The following STRA8 variants were observed in gnomAD, a reference collection of about 807,000 sequenced individuals.
The protein encoded by STRA8 is stimulated by retinoic acid gene 8 protein homolog.
A neutral mutation model predicts 37.1 loss-of-function variants in STRA8; 18 were observed. That is an observed-to-expected ratio of 0.48 (90% CI 0.34 to 0.72). The LOEUF (loss-of-function observed/expected upper bound fraction) is 0.72, where lower values mean the gene tolerates loss of function less well. STRA8 is among the 30% of genes least tolerant of loss of function. The pLI, the probability that STRA8 is intolerant of heterozygous loss-of-function variation, is 0.01. For synonymous variants in STRA8, 168 were observed against 162.9 expected (o/e 1.03, Z -0.24); for missense variants, 357 against 410.4 (o/e 0.87, Z 1.13).
At position 135,233,897 on chromosome 7, in the gene STRA8, T is replaced by C. The variant is rs1450117664; in HGVS notation, c.-13T>C. On this transcript the variant is annotated 5_prime_UTR_variant, in exon 1 of 9. Transcript: ENST00000662584. ...GGGAGTGGGGACGTCGCGTGCACCG[T>C]TGGCGAGTAAGTATCCTTTGAACGC... Among the ~76,000 whole-genome samples, 1 of 152,156 alleles carries C rather than the reference T, an allele frequency of 6.6e-6. No homozygotes were observed. The highest frequency in any genetic ancestry group is 1.5e-5 in the Non-Finnish European group (1 of 68,040).
chr7:135,258,333 A>G (rs1585484077), intron 8 of STRA8, 85 bp from the exon 9 acceptor site: 2 of 1,125,900 alleles, frequency 1.8e-6, no homozygotes, highest in Admixed American at 4.2e-5. Flanking sequence ...GGCTGGGCAC[A>G]CCGGAGATGC....
chr7:135,235,982 G>A (rs1051234122), intron 1 of STRA8, among the ~76,000 whole-genome samples: 2 of 152,074 alleles, frequency 1.3e-5, no homozygotes, highest in African/African-American at 4.8e-5. Flanking sequence ...CACGTCTGTA[G>A]TCCTAGCTAC....
At position 135,238,487 on chromosome 7, in the gene STRA8, T is replaced by C. The variant is rs17168324; in HGVS notation, c.-6-2032T>C. On this transcript the variant is annotated intron_variant, in intron 1 of 8. Transcript: ENST00000662584. ...GAAGGGAGGACACCCAGCACTGGCA[T>C]TGGGAGAACTCCAGATTCCCTACAA... Among the ~76,000 whole-genome samples, 2,000 of 152,302 alleles carry C rather than the reference T, an allele frequency of 0.013. 137 individuals are homozygous for C. In the East Asian group the frequency reaches 0.21, roughly 16 times the overall value.
At chr7:135,242,323 T>C (rs1333157129) in intron 2 of STRA8, among the ~76,000 whole-genome samples, 1 of 152,212 alleles carries the variant, frequency 6.6e-6, no homozygotes, top group Non-Finnish European at 1.5e-5. Flanking sequence ...ATCTGGAGCG[T>C]ATGCAGTTAG....
chr7:135,236,405 C>A (rs893947026), intron 1 of STRA8, among the ~76,000 whole-genome samples: 2 of 152,146 alleles, frequency 1.3e-5, no homozygotes, highest in Admixed American at 1.3e-4. Context: ...CATAACCCAA[C>A]TTGCCTTTCC....
intron 6 of STRA8, among the ~76,000 whole-genome samples, chr7:135,250,204 A>G (rs562289345): frequency 1.3e-5 from 2 of 151,990 alleles, no homozygotes; most frequent in East Asian, 3.9e-4. Flanking sequence ...GTGTGGTGGC[A>G]CTCTGGAAAG....
rs1163355249 is a variant in STRA8 at position 135,246,770 on chromosome 7, C to T, written c.879+68C>T. 2.8e-6 allele frequency: 4 copies of T among 1,433,538 alleles called. No homozygotes were observed. In the South Asian group the frequency reaches 4.2e-5, roughly 15 times the overall value. The allele number at this position is 1,433,538 out of a possible 1,614,324, so 88.8% of individuals were successfully genotyped here. A position where few individuals can be genotyped will look rare whatever the true frequency, so the allele number is the denominator to read the frequency against. ...CACCCTCGCCCTCGCCTGGGGACAC[C>T]AGGGCTTTGCATTTAGCAGGTTGGA... On this transcript the variant is annotated intron_variant, in intron 6 of 8. Transcript: ENST00000662584. The surrounding 1 kb of genome is among the most constrained non-coding windows in gnomAD (Gnocchi z 5.4).
At chr7:135,242,889 C>T (rs1832489132) in intron 3 of STRA8, 33 bp downstream of exon 3, 3 of 1,600,412 alleles carry the variant, frequency 1.9e-6, no homozygotes, top group Non-Finnish European at 2.6e-6. Context: ...CCCCATCTCC[C>T]TCCCTGGAGA....
chr7:135,232,137 G>T, upstream of STRA8: 3 of 1,119,408 alleles, frequency 2.7e-6, no homozygotes, highest in South Asian at 3.7e-5. Flanking sequence ...GAGGTGGGGT[G>T]ACTACATGAA....
At chr7:135,247,648 G>A (rs1343744736) in intron 6 of STRA8, among the ~76,000 whole-genome samples, 1 of 152,212 alleles carries the variant, frequency 6.6e-6, no homozygotes, top group Non-Finnish European at 1.5e-5. Context: ...GACCAATCAG[G>A]TCCAGCCCTT....
intron 1 of STRA8, among the ~76,000 whole-genome samples, chr7:135,237,500 T>C (rs988881083): frequency 3.3e-5 from 5 of 152,152 alleles, no homozygotes; most frequent in African/African-American, 1.2e-4. Flanking sequence ...CCTCTCCCCA[T>C]CCTAGACAGT....
chr7:135,239,324 C>T (rs909555978), intron 1 of STRA8, among the ~76,000 whole-genome samples: 10 of 152,132 alleles, frequency 6.6e-5, no homozygotes, highest in African/African-American at 2.2e-4. Context: ...GGTTCAGATC[C>T]GATGTTTTCA....
chr7:135,250,685 G>A (rs150822287), intron 6 of STRA8, among the ~76,000 whole-genome samples: 2 of 152,338 alleles, frequency 1.3e-5, no homozygotes, highest in African/African-American at 4.8e-5. Flanking sequence ...TCCTCTCCTA[G>A]GCGTGATTGC....
intron 7 of STRA8, among the ~76,000 whole-genome samples, chr7:135,253,184 C>G (rs1482368644): frequency 1.3e-5 from 2 of 152,228 alleles, no homozygotes; most frequent in African/African-American, 4.8e-5. Context: ...ATCCACCCAC[C>G]TCGGCTCCCA....
At chr7:135,244,916 T>A (rs768757777) in intron 4 of STRA8, among the ~76,000 whole-genome samples, 16 of 152,224 alleles carry the variant, frequency 1.1e-4, no homozygotes, top group Non-Finnish European at 2.1e-4. Context: ...AACTGTCTTT[T>A]GCCATTAAGC....
chr7:135,234,093 TG>T (rs1562967287), intron 1 of STRA8, among the ~76,000 whole-genome samples, 190 bp downstream of exon 1: 12 of 149,590 alleles, frequency 8.0e-5, no homozygotes, highest in Admixed American at 4.0e-4. Flanking sequence ...ATGATGATGA[TG>T]ATGATGATGA....
Position 135,246,314 on chromosome 7 carries a change from G to A in STRA8, c.594-103G>A. ...AGTCTCAGCCCTGGTGAGCCGTGGCGCCGTGGCCGGGCCTGCGTGCTGGGG... is the reference window on the plus strand; with the variant it reads ...AGTCTCAGCCCTGGTGAGCCGTGGCACCGTGGCCGGGCCTGCGTGCTGGGG... On this transcript the variant is annotated intron_variant, in intron 5 of 8. Coordinates refer to ENST00000662584, the MANE Select transcript of STRA8 (RefSeq NM_001394401.1). The surrounding 1 kb of genome is among the most constrained non-coding windows in gnomAD (Gnocchi z 5.4). 3.4e-6 allele frequency: 5 copies of A among 1,470,200 alleles called. No individual in the cohort carries two copies. Among genetic ancestry groups the A allele is most frequent in the African/African-American group, 2.8e-5 (2 of 70,968 alleles). The allele number at this position is 1,470,200 out of a possible 1,614,324, so 91.1% of individuals were successfully genotyped here.
At chr7:135,235,899 A>G (rs1442539042) in intron 1 of STRA8, among the ~76,000 whole-genome samples, 1 of 152,162 alleles carries the variant, frequency 6.6e-6, no homozygotes, top group Non-Finnish European at 1.5e-5. Flanking sequence ...ATTTGAGCCT[A>G]GGAGTTCAAG....
chr7:135,248,487 T>C (rs1832597010), intron 6 of STRA8, among the ~76,000 whole-genome samples: 2 of 152,076 alleles, frequency 1.3e-5, no homozygotes, highest in African/African-American at 4.8e-5. Context: ...GTGGGAGCAA[T>C]GCTTGAGCCC....
Sources: allele counts gnomAD v4.1 joint callset (sites outside exome capture counted in the v4.1 genomes callset), GRCh38; gene constraint gnomAD v4.1.1; non-coding constraint Gnocchi (gnomAD v3.1); transcripts MANE v1.5; gene names NCBI Gene and HGNC (gene_info 2026-07-23, HGNC 2026-07-21).